The following AGPAT4 variants were observed in gnomAD, a reference collection of about 807,000 sequenced individuals.
AGPAT4 encodes the protein 1-acylglycerol-3-phosphate O-acyltransferase 4, also known as 1-acyl-sn-glycerol-3-phosphate acyltransferase delta.
Under a neutral mutation model 48.0 loss-of-function variants are expected in AGPAT4, and 15 were observed. The ratio of observed to expected loss-of-function variants is 0.31; its 90% CI spans 0.21 to 0.48. The LOEUF is 0.48. Ranked by LOEUF, AGPAT4 falls within the 20% of genes least tolerant of loss-of-function variation. The pLI, the probability that AGPAT4 is intolerant of heterozygous loss-of-function variation, is 0.99. For missense variants in AGPAT4, 314 were observed against 482.5 expected (o/e 0.65, Z 3.27); for synonymous variants, 178 against 198.7 (o/e 0.90, Z 0.88).
intron 2 of AGPAT4, among the ~76,000 whole-genome samples, chr6:161,173,804 C>T (rs886957832): frequency 2.6e-5 from 4 of 152,022 alleles, no homozygotes; most frequent in African/African-American, 9.7e-5. Flanking sequence ...CTTTAATCCA[C>T]CTTGAATTAA....
At chr6:161,203,405 TGA>T (rs1781293941) in intron 2 of AGPAT4, among the ~76,000 whole-genome samples, 1 of 119,194 alleles carries the variant, frequency 8.4e-6, no homozygotes, top group African/African-American at 3.6e-5. Flanking sequence ...TTTTTTTTTT[TGA>T]GACAGAGTTT....
At chr6:161,256,715 G>A (rs1782954065) in intron 1 of AGPAT4, among the ~76,000 whole-genome samples, 2 of 152,208 alleles carry the variant, frequency 1.3e-5, no homozygotes, top group Non-Finnish European at 2.9e-5. Context: ...GAGCGTTCCC[G>A]AAAGAAATCT....
chr6:161,205,134 A>C (rs1200475373), intron 2 of AGPAT4, among the ~76,000 whole-genome samples: 1 of 152,116 alleles, frequency 6.6e-6, no homozygotes. Context: ...ACACATCATG[A>C]TTCTCTGGCA....
At chr6:161,260,925 A>T (rs1444324270) in intron 1 of AGPAT4, among the ~76,000 whole-genome samples, 2 of 152,158 alleles carry the variant, frequency 1.3e-5, no homozygotes, top group Admixed American at 6.5e-5. Context: ...CAGGGTTAGG[A>T]CACCTGATTT....
At position 161,218,822 on chromosome 6, in the gene AGPAT4, A is replaced by G. The variant is rs1474319028; in HGVS notation, c.178+13214T>C. Among the ~76,000 whole-genome samples, 2 of 152,232 alleles carry G rather than the reference A, an allele frequency of 1.3e-5. No homozygotes were observed. Among genetic ancestry groups the G allele is most frequent in the African/African-American group, 4.8e-5 (2 of 41,464 alleles). The stretch of plus-strand genomic sequence containing the variant: ...AACAGTATGATAAAACACTGTATCT[A>G]CCAAACAGTATGATAAAACACTGTA... On this transcript the variant is annotated intron_variant, in intron 2 of 8. Transcript: ENST00000320285. This position sits in a 1 kb window ranked among gnomAD's most constrained non-coding sequence, Gnocchi z 4.7.
rs888239417 is a variant in AGPAT4 at position 161,206,309 on chromosome 6, TC to T, written c.178+25726del. ...GAAGGCTAAGTGGGGAGCTGGAACC[TC>T]CATCATTCTCCAGTGATAATGAGAC... is the stretch of plus-strand genomic sequence containing the variant. On this transcript the variant is annotated intron_variant, in intron 2 of 8. Transcript: ENST00000320285. This position sits in a 1 kb window ranked among gnomAD's most constrained non-coding sequence, Gnocchi z 4.8. 6.6e-6 allele frequency among the ~76,000 whole-genome samples: 1 copy of T among 152,072 alleles called. No individual in the cohort carries two copies. Among genetic ancestry groups the T allele is most frequent in the Admixed American group, 6.6e-5 (1 of 15,266 alleles).
rs531262061 is a variant in AGPAT4 at position 161,154,859 on chromosome 6, G to A, written c.349-549C>T. The stretch of plus-strand genomic sequence containing the variant: ...GTTGGCCAAAGATTCATTTGAATCC[G>A]ATTTTTCCGAGACAGCTCAACTCAC... On this transcript the variant is annotated intron_variant, in intron 3 of 8. Transcript: ENST00000320285. The surrounding 1 kb of genome is among the most constrained non-coding windows in gnomAD (Gnocchi z 7.8). Among the ~76,000 whole-genome samples the A allele has an allele frequency of 6.6e-6, 1 of 152,222 alleles. No individual in the cohort carries two copies. The highest frequency in any genetic ancestry group is 1.5e-5 in the Non-Finnish European group (1 of 68,032).
Position 161,218,920 on chromosome 6 carries a change from T to TGATAAAACA in AGPAT4, c.178+13115_178+13116insTGTTTTATC. On this transcript the variant is annotated intron_variant, in intron 2 of 8. Coordinates refer to ENST00000320285, the MANE Select transcript of AGPAT4 (RefSeq NM_020133.3). This position sits in a 1 kb window ranked among gnomAD's most constrained non-coding sequence, Gnocchi z 4.7. ...AAAACACTGTATCTACCAAAGCGTT[T>TGATAAAACA]CTAGGATTTTTCCTTCAAAACAGAC... Among the ~76,000 whole-genome samples, 1 of 152,322 alleles carries TGATAAAACA rather than the reference T, an allele frequency of 6.6e-6. No homozygotes were observed. The highest frequency in any genetic ancestry group is 1.5e-5 in the Non-Finnish European group (1 of 68,026).
chr6:161,196,170 G>A lies in AGPAT4; in HGVS notation c.179-29753C>T, dbSNP rs1174999334. ...ACTGTCTTTCTAGGAGAAAAGAAAT[G>A]GGACCTAGTAAGTTAAGGCATCAGA... On this transcript the variant is annotated intron_variant, in intron 2 of 8. Transcript: ENST00000320285. The surrounding 1 kb of genome is among the most constrained non-coding windows in gnomAD (Gnocchi z 4.3). 6.6e-6 allele frequency among the ~76,000 whole-genome samples: 1 copy of A among 152,162 alleles called. No individual in the cohort carries two copies. Among genetic ancestry groups the A allele is most frequent in the Non-Finnish European group, 1.5e-5 (1 of 68,036 alleles).
In AGPAT4 at chr6:161,251,729, T is replaced by C. The variant is rs1005489218; in HGVS notation, c.-89-19427A>G. On this transcript the variant is annotated intron_variant, in intron 1 of 8. Transcript: ENST00000320285. The surrounding 1 kb of genome is among the most constrained non-coding windows in gnomAD (Gnocchi z 4.6). ...CAAGCCCACTTCCCGGGCCTTACGTTTCCCATTCAAACATGGGAGACGTGC... is the reference window on the plus strand; with the variant it reads ...CAAGCCCACTTCCCGGGCCTTACGTCTCCCATTCAAACATGGGAGACGTGC... 1.3e-5 allele frequency among the ~76,000 whole-genome samples: 2 copies of C among 152,186 alleles called. No homozygotes were observed.
At chr6:161,273,110 A>C (rs1377525780) in intron 1 of AGPAT4, among the ~76,000 whole-genome samples, 1 of 152,234 alleles carries the variant, frequency 6.6e-6, no homozygotes, top group Non-Finnish European at 1.5e-5. Flanking sequence ...CCTGTAAGGA[A>C]TTAATTCCCC....
chr6:161,153,859 A>G (rs1490063686), intron 4 of AGPAT4, among the ~76,000 whole-genome samples: 1 of 145,732 alleles, frequency 6.9e-6, no homozygotes, highest in South Asian at 2.3e-4. Context: ...ATATGGCCAC[A>G]TGATCACACA....
At position 161,140,191 on chromosome 6, in the gene AGPAT4, C is replaced by T. The variant is rs890977510; in HGVS notation, c.844-571G>A. On this transcript the variant is annotated intron_variant, in intron 7 of 8. Transcript: ENST00000320285. The surrounding 1 kb of genome is among the most constrained non-coding windows in gnomAD (Gnocchi z 6.5). ...TTTGCCACTGGAGGGCTCTGAGGGCCGTGATTCAAGGCATCATGAATGACA... is the reference window on the plus strand; with the variant it reads ...TTTGCCACTGGAGGGCTCTGAGGGCTGTGATTCAAGGCATCATGAATGACA... Among the ~76,000 whole-genome samples, 4 of 152,300 alleles carry T rather than the reference C, an allele frequency of 2.6e-5. No individual in the cohort carries two copies. The highest frequency in any genetic ancestry group is 2.1e-4 in the South Asian group (1 of 4,828).
At position 161,243,702 on chromosome 6, in the gene AGPAT4, C is replaced by T. The variant is rs1052081411; in HGVS notation, c.-89-11400G>A. Among the ~76,000 whole-genome samples, 2 of 152,172 alleles carry T rather than the reference C, an allele frequency of 1.3e-5. No individual in the cohort carries two copies. Among genetic ancestry groups the T allele is most frequent in the African/African-American group, 2.4e-5 (1 of 41,454 alleles). ...GCCCCTGCCTCTCTCCCGGGCTGAC[C>T]GGTCTCCTCCTTCCCTTGACCCCTT... On this transcript the variant is annotated intron_variant, in intron 1 of 8. Transcript: ENST00000320285. The surrounding 1 kb of genome is among the most constrained non-coding windows in gnomAD (Gnocchi z 4.8).
Position 161,208,834 on chromosome 6 carries a change from C to T in AGPAT4, c.178+23202G>A, listed in dbSNP as rs978671429. Among the ~76,000 whole-genome samples the T allele has an allele frequency of 2.0e-5, 3 of 152,038 alleles. No homozygotes were observed. The highest frequency in any genetic ancestry group is 2.9e-5 in the Non-Finnish European group (2 of 68,012). On this transcript the variant is annotated intron_variant, in intron 2 of 8. Transcript: ENST00000320285. This position sits in a 1 kb window ranked among gnomAD's most constrained non-coding sequence, Gnocchi z 4.6. ...ATTCATAATTTGTAACAATTCAAGC[C>T]GAAGGCCAGGATGAAATGCACAGCT...
rs1782241738 is a variant in AGPAT4 at position 161,235,257 on chromosome 6, A to G, written c.-89-2955T>C. Reference sequence around the variant, plus strand: ...GACAACAGATTCTAATCAAAATCCCAGGGAGGCTATTGCTTTTTAATTTCG... The same window carrying G: ...GACAACAGATTCTAATCAAAATCCCGGGGAGGCTATTGCTTTTTAATTTCG... On this transcript the variant is annotated intron_variant, in intron 1 of 8. Transcript: ENST00000320285. This position sits in a 1 kb window ranked among gnomAD's most constrained non-coding sequence, Gnocchi z 6.2. 6.6e-6 allele frequency among the ~76,000 whole-genome samples: 1 copy of G among 152,226 alleles called. No homozygotes were observed. Among genetic ancestry groups the G allele is most frequent in the Admixed American group, 6.5e-5 (1 of 15,278 alleles).
At position 161,197,768 on chromosome 6, in the gene AGPAT4, G is replaced by T. The variant is rs907778003; in HGVS notation, c.179-31351C>A. On this transcript the variant is annotated intron_variant, in intron 2 of 8. Coordinates refer to ENST00000320285, the MANE Select transcript of AGPAT4 (RefSeq NM_020133.3). The surrounding 1 kb of genome is among the most constrained non-coding windows in gnomAD (Gnocchi z 5.7). ...GCCCCAGGGAGGTCACCCACAGAGG[G>T]CACCCAGGAGAGTTAAGTGCCTGCC... 1.3e-5 allele frequency among the ~76,000 whole-genome samples: 2 copies of T among 152,180 alleles called. No individual in the cohort carries two copies. The highest frequency in any genetic ancestry group is 2.9e-5 in the Non-Finnish European group (2 of 68,034).
rs1385751043 is a variant in AGPAT4, at chr6:161,178,496, GT to G, written c.179-12080del. ...ACCGTTGGAAAAGCGCAGTATTAGG[GT>G]GGGAGTGAACCAATTTTCCAGGTGC... is the stretch of plus-strand genomic sequence containing the variant. On this transcript the variant is annotated intron_variant, in intron 2 of 8. Coordinates refer to ENST00000320285, the MANE Select transcript of AGPAT4 (RefSeq NM_020133.3). This position sits in a 1 kb window ranked among gnomAD's most constrained non-coding sequence, Gnocchi z 5.1. 6.6e-6 allele frequency among the ~76,000 whole-genome samples: 1 copy of G among 152,216 alleles called. No homozygotes were observed. The highest frequency in any genetic ancestry group is 2.4e-5 in the African/African-American group (1 of 41,464).
At chr6:161,175,929 C>T (rs1780415611) in intron 2 of AGPAT4, among the ~76,000 whole-genome samples, 1 of 152,188 alleles carries the variant, frequency 6.6e-6, no homozygotes, top group Admixed American at 6.5e-5. Context: ...TGTTCAGTTT[C>T]CATGTAGTTG....
Sources: allele counts gnomAD v4.1 joint callset (sites outside exome capture counted in the v4.1 genomes callset), GRCh38; gene constraint gnomAD v4.1.1; non-coding constraint Gnocchi (gnomAD v3.1); transcripts MANE v1.5; gene names NCBI Gene and HGNC (gene_info 2026-07-23, HGNC 2026-07-21).